The following FXR1 variants were observed in gnomAD, a reference collection of about 807,000 sequenced individuals.
The protein encoded by FXR1 is RNA-binding protein FXR1.
In FXR1, 15 loss-of-function variants were observed where a neutral mutation model predicts 84.0. The observed-to-expected ratio is 0.18, with a 90% CI of 0.12 to 0.27. FXR1 has a LOEUF of 0.27. FXR1 is among the 10% of genes least tolerant of loss of function. The pLI is 1.00. For synonymous variants in FXR1, 245 were observed against 250.7 expected, an observed-to-expected ratio of 0.98 and a Z score of 0.21; for missense variants, 480 against 774.4, an observed-to-expected ratio of 0.62 and a Z score of 4.51.
intron 3 of FXR1, among the ~76,000 whole-genome samples, chr3:180,946,359 T>C (rs1341084843): frequency 6.6e-6 from 1 of 152,204 alleles, no homozygotes; most frequent in Admixed American, 6.5e-5. Flanking sequence ...TGTTTCAAGA[T>C]ATAGGAAAAA....
chr3:180,924,334 T>C (rs1038231752), intron 1 of FXR1, among the ~76,000 whole-genome samples: 1 of 152,194 alleles, frequency 6.6e-6, no homozygotes, highest in African/African-American at 2.4e-5. Context: ...CGTAGTACCA[T>C]TCTAGATATA....
chr3:180,948,667 C>T lies in FXR1; in HGVS notation c.420-54C>T, dbSNP rs1044489292. 6 of 1,021,136 alleles carry T rather than the reference C, an allele frequency of 5.9e-6. No individual in the cohort carries two copies. In the African/African-American group the frequency reaches 6.4e-5, roughly 11 times the overall value. The allele number at this position is 1,021,136 out of a possible 1,614,324, so 63.3% of individuals were successfully genotyped here. On this transcript the variant is annotated intron_variant, in intron 5 of 16. Coordinates refer to ENST00000357559, the MANE Select transcript of FXR1 (RefSeq NM_005087.4). ...AACACTGACTTTGTATTGTGACTCT[C>T]CTCTGACTTTAATCTGTTATTGAGT... is the stretch of plus-strand genomic sequence containing the variant.
intron 1 of FXR1, among the ~76,000 whole-genome samples, chr3:180,915,218 G>T (rs1451373389): frequency 6.6e-6 from 1 of 151,954 alleles, no homozygotes; most frequent in Non-Finnish European, 1.5e-5. Flanking sequence ...GCCTTTTTTG[G>T]TGTACGGTTA....
intron 10 of FXR1, among the ~76,000 whole-genome samples, chr3:180,959,014 G>T (rs547477306): frequency 1.6e-4 from 25 of 151,994 alleles, no homozygotes; most frequent in African/African-American, 6.0e-4. Context: ...CACCATGTTG[G>T]CCAGGATGGT....
chr3:180,972,462 A>G (rs1288473752), intron 15 of FXR1, among the ~76,000 whole-genome samples: 1 of 152,228 alleles, frequency 6.6e-6, no homozygotes, highest in African/African-American at 2.4e-5. Flanking sequence ...TCAAAAAAAA[A>G]TGTTTTAGAT....
chr3:180,913,730 G>A (rs1224708543), intron 1 of FXR1, among the ~76,000 whole-genome samples: 1 of 152,156 alleles, frequency 6.6e-6, no homozygotes, highest in Non-Finnish European at 1.5e-5. Context: ...AATACGCCAG[G>A]TTGTTAGAAG....
At chr3:180,929,079 A>T (rs1247163777) in intron 1 of FXR1, among the ~76,000 whole-genome samples, 2 of 151,358 alleles carry the variant, frequency 1.3e-5, no homozygotes, top group African/African-American at 2.4e-5. Context: ...GCGCCACCAC[A>T]CCCTGCTAAT....
At chr3:180,926,905 A>C (rs540518149) in intron 1 of FXR1, among the ~76,000 whole-genome samples, 10 of 152,196 alleles carry the variant, frequency 6.6e-5, no homozygotes, top group African/African-American at 2.4e-4. Flanking sequence ...CTAGGATGGT[A>C]TATTCTTAAT....
intron 7 of FXR1, among the ~76,000 whole-genome samples, chr3:180,950,336 T>C (rs1310561786): frequency 6.6e-6 from 1 of 152,214 alleles, no homozygotes; most frequent in African/African-American, 2.4e-5. Flanking sequence ...GAAAAGTGTT[T>C]TAGACTAATA....
At chr3:180,947,742 C>A in intron 3 of FXR1, 123 bp from the exon 4 acceptor site, 1 of 474,856 alleles carries the variant, frequency 2.1e-6, no homozygotes, top group Non-Finnish European at 3.8e-6. Context: ...TTTAATATGC[C>A]AATTTAAATA....
intron 1 of FXR1, among the ~76,000 whole-genome samples, chr3:180,928,187 C>A (rs1015692617): frequency 6.7e-6 from 1 of 149,112 alleles, no homozygotes; most frequent in African/African-American, 2.5e-5. Context: ...TTTAAATGTT[C>A]CAATACCATT....
In FXR1 at chr3:180,948,498, G is replaced by A; in HGVS notation, c.419+3G>A. The A allele has an allele frequency of 6.3e-6, 10 of 1,589,356 alleles. No individual in the cohort carries two copies. Among genetic ancestry groups the A allele is most frequent in the Non-Finnish European group, 7.7e-6 (9 of 1,161,386 alleles). ...GTTCCTGAGGATTTGAGAGAGGCGTGAGTAATTTTATATACTATTGAATTG... is the reference window on the plus strand; with the variant it reads ...GTTCCTGAGGATTTGAGAGAGGCGTAAGTAATTTTATATACTATTGAATTG... On this transcript the variant is annotated splice_donor_region_variant and intron_variant, in intron 5 of 16. Transcript: ENST00000357559.
At chr3:180,944,774 C>T (rs1002897281) in intron 3 of FXR1, among the ~76,000 whole-genome samples, 3 of 152,192 alleles carry the variant, frequency 2.0e-5, no homozygotes, top group Admixed American at 2.0e-4. Context: ...AGGCACATGC[C>T]ACCATGCCTG....
intron 1 of FXR1, among the ~76,000 whole-genome samples, chr3:180,920,879 A>G (rs1407956477): frequency 1.3e-5 from 2 of 152,222 alleles, no homozygotes; most frequent in Non-Finnish European, 2.9e-5. Flanking sequence ...GTTAGATAAT[A>G]CATACAAATG....
At chr3:180,922,300 T>G (rs1016182379) in intron 1 of FXR1, among the ~76,000 whole-genome samples, 4 of 152,180 alleles carry the variant, frequency 2.6e-5, no homozygotes, top group Non-Finnish European at 5.9e-5. Context: ...AAATGGCAGC[T>G]TTTTCTTTTT....
At chr3:180,940,387 C>T (rs1362804977) in intron 3 of FXR1, among the ~76,000 whole-genome samples, 1 of 152,082 alleles carries the variant, frequency 6.6e-6, no homozygotes, top group Non-Finnish European at 1.5e-5. Flanking sequence ...CATTGGGTAT[C>T]TAGTACAGTG....
rs993614904 is a variant in FXR1, at chr3:180,971,136, G to A, written c.1603+778G>A. On this transcript the variant is annotated intron_variant, in intron 15 of 16. Transcript: ENST00000357559. ...GCCGCAGGCGTCGCTTCAGGGGTCA[G>A]GCAGAAGATAGACAGCCAGGTAACT... 3.1e-6 allele frequency: 4 copies of A among 1,272,344 alleles called. No homozygotes were observed. In the Admixed American group the frequency reaches 7.3e-5, roughly 23 times the overall value. 78.8% of individuals were successfully genotyped at this position (1,272,344 alleles called of 1,614,324 possible). A position where few individuals can be genotyped will look rare whatever the true frequency, so the allele number is the denominator to read the frequency against.
At chr3:180,912,864 A>G (rs1717388352) in intron 1 of FXR1, 128 bp downstream of exon 1, 2 of 1,540,810 alleles carry the variant, frequency 1.3e-6, no homozygotes. Context: ...AGGCCGCTGG[A>G]TTCCTTGCTT....
At chr3:180,959,029 ATC>A (rs1237629216) in intron 10 of FXR1, among the ~76,000 whole-genome samples, 2 of 151,762 alleles carry the variant, frequency 1.3e-5, no homozygotes, top group Non-Finnish European at 2.9e-5. Flanking sequence ...GATGGTCTCG[ATC>A]TCTTGACCTT....
Sources: allele counts gnomAD v4.1 joint callset (sites outside exome capture counted in the v4.1 genomes callset), GRCh38; gene constraint gnomAD v4.1.1; transcripts MANE v1.5; gene names NCBI Gene and HGNC (gene_info 2026-07-23, HGNC 2026-07-21).